Variants in GPC6 observed in about 807,000 individuals in gnomAD.
GPC6 encodes the protein glypican 6.
A neutral mutation model predicts 55.2 loss-of-function variants in GPC6; 14 were observed. The ratio of observed to expected loss-of-function variants is 0.25; its 90% confidence interval spans 0.17 to 0.40. GPC6 has a LOEUF of 0.40. GPC6 is among the 10% of genes least tolerant of loss of function. The pLI, the probability that GPC6 is intolerant of heterozygous loss-of-function variation, is 1.00. For synonymous variants in GPC6, 278 were observed against 259.6 expected (o/e 1.07, Z -0.68); for missense variants, 641 against 708.5 (o/e 0.90, Z 1.08).
At chr13:93,670,835 G>A (rs933494204) in intron 2 of GPC6, among the ~76,000 whole-genome samples, 1 of 152,160 alleles carries the variant, frequency 6.6e-6, no homozygotes, top group African/African-American at 2.4e-5. Context: ...TGCAGCAATT[G>A]TTTCTGGATG....
chr13:94,146,441 C>A (rs1311367495), intron 4 of GPC6, among the ~76,000 whole-genome samples: 1 of 152,078 alleles, frequency 6.6e-6, no homozygotes, highest in Non-Finnish European at 1.5e-5. Context: ...ATTATTAATA[C>A]CTTTTACCAA....
chr13:94,325,935 G>A (rs1053395970), intron 6 of GPC6, among the ~76,000 whole-genome samples: 3 of 152,170 alleles, frequency 2.0e-5, no homozygotes, highest in African/African-American at 4.8e-5. Context: ...ACGCTCCTTC[G>A]TGGTGGTCAC....
At chr13:93,742,974 G>A (rs189072159) in intron 2 of GPC6, among the ~76,000 whole-genome samples, 275 of 152,224 alleles carry the variant, frequency 1.8e-3, no homozygotes, top group Non-Finnish European at 2.8e-3. Context: ...TTTAGGGGTC[G>A]TGTACAGGAT....
chr13:94,005,555 A>G (rs1274410022), intron 3 of GPC6, among the ~76,000 whole-genome samples: 1 of 152,196 alleles, frequency 6.6e-6, no homozygotes, highest in South Asian at 2.1e-4. Context: ...GAAAAGACAT[A>G]TCAGGAGACA....
chr13:93,701,974 A>G (rs1882684940), intron 2 of GPC6, among the ~76,000 whole-genome samples: 1 of 152,024 alleles, frequency 6.6e-6, no homozygotes, highest in Non-Finnish European at 1.5e-5. Context: ...CCTGCTGTTA[A>G]TGTTGATATT....
chr13:94,324,309 C>G (rs1022905496), intron 6 of GPC6, among the ~76,000 whole-genome samples: 3 of 134,036 alleles, frequency 2.2e-5, no homozygotes, highest in Admixed American at 7.9e-5. Context: ...CTATGAAAGC[C>G]TTAAAAAAAA....
intron 2 of GPC6, among the ~76,000 whole-genome samples, chr13:93,660,094 T>C (rs1880860247): frequency 6.6e-6 from 1 of 152,108 alleles, no homozygotes; most frequent in Non-Finnish European, 1.5e-5. Context: ...AAAAATAATT[T>C]TCTCTCTTTA....
intron 2 of GPC6, among the ~76,000 whole-genome samples, chr13:93,807,764 G>A (rs1037934430): frequency 6.6e-6 from 1 of 152,206 alleles, no homozygotes; most frequent in African/African-American, 2.4e-5. Flanking sequence ...TAGGGTAGTA[G>A]TAGACTCACT....
intron 3 of GPC6, among the ~76,000 whole-genome samples, chr13:93,873,863 CTT>C: frequency 2.0e-5 from 3 of 151,968 alleles, no homozygotes; most frequent in Admixed American, 2.0e-4. Context: ...CTTGAATCCT[CTT>C]TCTCTCACTG....
At chr13:94,146,437 A>G (rs1887566823) in intron 4 of GPC6, among the ~76,000 whole-genome samples, 1 of 152,188 alleles carries the variant, frequency 6.6e-6, no homozygotes, top group Non-Finnish European at 1.5e-5. Context: ...AATTATTATT[A>G]ATACCTTTTA....
rs193061654 is a variant in GPC6, at chr13:93,612,391, A to G, written c.319+66970A>G. Among the ~76,000 whole-genome samples the G allele has an allele frequency of 6.0e-4, 91 of 151,988 alleles. 1 individual carries two copies. Among genetic ancestry groups the G allele is most frequent in the African/African-American group, 2.0e-3 (84 of 41,488 alleles). Reference sequence around the variant, plus strand: ...GCACGTACCTGTTGTCCCAGCTACTAGGGAGGCTGAGGCAGGAGAATGGCG... The same window carrying G: ...GCACGTACCTGTTGTCCCAGCTACTGGGGAGGCTGAGGCAGGAGAATGGCG... On this transcript the variant is annotated intron_variant, in intron 2 of 8. Transcript: ENST00000377047.
At chr13:94,036,576 G>A (rs568330156) in intron 4 of GPC6, among the ~76,000 whole-genome samples, 41 of 152,088 alleles carry the variant, frequency 2.7e-4, no homozygotes, top group African/African-American at 9.4e-4. Context: ...CAAGGCTCGG[G>A]AAATTAGCTG....
chr13:94,275,171 A>C (rs1892164313), intron 4 of GPC6, among the ~76,000 whole-genome samples: 2 of 152,242 alleles, frequency 1.3e-5, no homozygotes, highest in Admixed American at 1.3e-4. Flanking sequence ...GAAATACAGC[A>C]GTAACCAAAA....
At chr13:94,062,690 T>C (rs1049247077) in intron 4 of GPC6, among the ~76,000 whole-genome samples, 9 of 152,182 alleles carry the variant, frequency 5.9e-5, no homozygotes. Context: ...AGACACACAT[T>C]CTTCAACACA....
chr13:93,521,927 T>G (rs12874738), intron 1 of GPC6, among the ~76,000 whole-genome samples: 16 of 152,032 alleles, frequency 1.1e-4, no homozygotes, highest in Admixed American at 4.6e-4. Flanking sequence ...TTCTAATTTG[T>G]TAATCTTTTC....
At chr13:93,545,992 A>T (rs1050238026) in intron 2 of GPC6, among the ~76,000 whole-genome samples, 1 of 152,248 alleles carries the variant, frequency 6.6e-6, no homozygotes, top group African/African-American at 2.4e-5. Flanking sequence ...TGTTAAATAA[A>T]CATTTTTATA....
intron 6 of GPC6, among the ~76,000 whole-genome samples, chr13:94,318,231 A>G (rs1876638189): frequency 6.6e-6 from 1 of 152,134 alleles, no homozygotes; most frequent in Admixed American, 6.5e-5. Flanking sequence ...TTACTGAAAG[A>G]GAGATTTTCA....
intron 1 of GPC6, among the ~76,000 whole-genome samples, chr13:93,451,158 T>C (rs1393903494): frequency 6.6e-6 from 1 of 152,246 alleles, no homozygotes; most frequent in Non-Finnish European, 1.5e-5. Context: ...ATAGACAGCA[T>C]GTGGAGAGGA....
At chr13:94,135,819 A>G (rs1887165868) in intron 4 of GPC6, among the ~76,000 whole-genome samples, 1 of 152,222 alleles carries the variant, frequency 6.6e-6, no homozygotes, top group African/African-American at 2.4e-5. Flanking sequence ...GTGGTTAAGC[A>G]CTGAGCCACC....
Sources: gnomAD v4.1 joint callset for allele counts (sites outside exome capture counted in the v4.1 genomes callset) on GRCh38, gnomAD v4.1.1 for gene constraint, MANE v1.5 for transcripts, NCBI Gene and HGNC (gene_info 2026-07-23, HGNC 2026-07-21) for gene names.